The following ACTR3C variants were observed in gnomAD, a reference collection of about 807,000 sequenced individuals.
ACTR3C encodes the protein actin related protein 3C, also known as actin-related protein 3C.
In ACTR3C, 18 loss-of-function variants were observed where a neutral mutation model predicts 26.3. The ratio of observed to expected loss-of-function variants is 0.68; its 90% confidence interval spans 0.47 to 1.01. The LOEUF (loss-of-function observed/expected upper bound fraction) is 1.01, where lower values mean the gene tolerates loss of function less well. Ranked by LOEUF, ACTR3C falls within the 50% of genes least tolerant of loss-of-function variation. The probability of loss-of-function intolerance (pLI) is 0.00; values close to 1 mark genes in which losing one functional copy is unlikely to be tolerated. For synonymous variants in ACTR3C, 55 were observed against 94.5 expected (o/e 0.58, Z 2.42); for missense variants, 184 against 250.7 (o/e 0.73, Z 1.80).
intron 6 of ACTR3C, among the ~76,000 whole-genome samples, chr7:150,255,032 A>G (rs1833106049): frequency 6.6e-6 from 1 of 152,044 alleles, no homozygotes; most frequent in African/African-American, 2.4e-5. Context: ...AAAATCTCAT[A>G]ATTATAGAGC....
chr7:150,105,707 C>T, the ACTR3C span, among the ~76,000 whole-genome samples: 7 of 152,020 alleles, frequency 4.6e-5, no homozygotes, highest in Admixed American at 2.0e-4. Context: ...CTAAAAATCA[C>T]ATATTGAGAA....
chr7:150,106,855 TG>T, the ACTR3C span, among the ~76,000 whole-genome samples: 1 of 146,334 alleles, frequency 6.8e-6, no homozygotes, highest in African/African-American at 2.7e-5. Context: ...ACTGGGTGGC[TG>T]GGAAAGAGGG....
At chr7:150,059,839 C>T in the ACTR3C span, among the ~76,000 whole-genome samples, 463 of 136,290 alleles carry the variant, frequency 3.4e-3, no homozygotes, top group Non-Finnish European at 4.2e-3. Flanking sequence ...CTTCCCGGGG[C>T]AGGAGGGAAG....
rs774818393 is a variant in ACTR3C at position 150,289,607 on chromosome 7, G to A, written c.154-14C>T. On this transcript the variant is annotated splice_polypyrimidine_tract_variant and intron_variant, in intron 3 of 7. Coordinates refer to ENST00000683684, the MANE Select transcript of ACTR3C (RefSeq NM_001164458.2). ...ATAACCTTCTGCCTAGGGAAGAAGA[G>A]GAGGCAGAACAGCTGTGTTAGTGAT... is the stretch of plus-strand genomic sequence containing the variant. 12 of 1,564,742 alleles carry A rather than the reference G, an allele frequency of 7.7e-6. No homozygotes were observed. The African/African-American group carries it at 9.6e-5, about 12-fold the overall frequency.
the ACTR3C span, chr7:150,003,084 G>C: frequency 6.6e-6 from 1 of 152,268 alleles, no homozygotes; most frequent in Non-Finnish European, 1.5e-5. Context: ...TTGAGGTAGG[G>C]AGATGTAGTG....
At chr7:149,903,884 GTTGTTGT>G in the ACTR3C span, among the ~76,000 whole-genome samples, 13 of 40,966 alleles carry the variant, frequency 3.2e-4, 1 homozygote, top group African/African-American at 5.7e-4. Flanking sequence ...TGTTGTTGTT[GTTGTTGT>G]TTGTTGTTGC....
chr7:150,047,929 C>G, the ACTR3C span: 1 of 1,273,520 alleles, frequency 7.9e-7, no homozygotes, highest in South Asian at 1.4e-5. Context: ...CACTCCCCAC[C>G]CCGCTCCAGA....
intron 1 of ACTR3C, among the ~76,000 whole-genome samples, chr7:150,318,411 C>G (rs1042630978): frequency 2.0e-5 from 3 of 152,122 alleles, no homozygotes; most frequent in Non-Finnish European, 4.4e-5. Flanking sequence ...TTTAGGCTAC[C>G]CTGTTTGTGG....
At chr7:149,918,168 CTT>C in the ACTR3C span, among the ~76,000 whole-genome samples, 2 of 151,152 alleles carry the variant, frequency 1.3e-5, no homozygotes, top group East Asian at 3.9e-4. Flanking sequence ...CTTCTGAGTA[CTT>C]TTTTTTTCTC....
chr7:150,316,705 CTA>C (rs1796958227), intron 1 of ACTR3C, among the ~76,000 whole-genome samples: 1 of 152,082 alleles, frequency 6.6e-6, no homozygotes, highest in Non-Finnish European at 1.5e-5. Flanking sequence ...AGGATGGTCT[CTA>C]TCTCTTGACC....
At chr7:150,284,296 T>C (rs1442443464) in intron 6 of ACTR3C, among the ~76,000 whole-genome samples, 1 of 152,138 alleles carries the variant, frequency 6.6e-6, no homozygotes, top group Non-Finnish European at 1.5e-5. Flanking sequence ...ATCCCAGCAC[T>C]TTGGGAGGCC....
chr7:150,250,993 A>G (rs1369942313), intron 6 of ACTR3C, among the ~76,000 whole-genome samples: 1 of 152,192 alleles, frequency 6.6e-6, no homozygotes, highest in Non-Finnish European at 1.5e-5. Context: ...ACAAATGTAA[A>G]TATGGACGGA....
At chr7:150,138,241 A>G in the ACTR3C span, among the ~76,000 whole-genome samples, 6 of 152,230 alleles carry the variant, frequency 3.9e-5, no homozygotes, top group African/African-American at 1.4e-4. Flanking sequence ...AGAAACGTCA[A>G]TATTGAAAGT....
At chr7:150,113,208 G>A in the ACTR3C span, among the ~76,000 whole-genome samples, 24 of 150,176 alleles carry the variant, frequency 1.6e-4, no homozygotes, top group African/African-American at 5.9e-4. Context: ...CCCGTCCAAC[G>A]GAAATGGAAT....
chr7:149,971,945 G>A, the ACTR3C span, among the ~76,000 whole-genome samples: 1 of 152,324 alleles, frequency 6.6e-6, no homozygotes, highest in Non-Finnish European at 1.5e-5. Flanking sequence ...AGCCCCCTCT[G>A]TTGGGATCTC....
chr7:150,103,611 C>CTGAAGT, the ACTR3C span, among the ~76,000 whole-genome samples: 1 of 151,818 alleles, frequency 6.6e-6, no homozygotes, highest in Non-Finnish European at 1.5e-5. Context: ...TTCAGACATC[C>CTGAAGT]TGAAGTAGTC....
At chr7:150,005,484 AAC>A in the ACTR3C span, among the ~76,000 whole-genome samples, 1 of 151,958 alleles carries the variant, frequency 6.6e-6, no homozygotes. Flanking sequence ...CTGCACGATG[AAC>A]AAAATGCTGG....
At chr7:149,900,981 C>T in the ACTR3C span, among the ~76,000 whole-genome samples, 1 of 151,814 alleles carries the variant, frequency 6.6e-6, no homozygotes, top group Admixed American at 6.6e-5. Flanking sequence ...CACAGTAAGC[C>T]GACATCACAC....
the ACTR3C span, among the ~76,000 whole-genome samples, chr7:150,231,547 T>C: frequency 6.6e-6 from 1 of 150,716 alleles, no homozygotes. Flanking sequence ...GGTGGCATGA[T>C]GCATCTCGTA....
Sources: allele counts gnomAD v4.1 joint callset (sites outside exome capture counted in the v4.1 genomes callset), GRCh38; gene constraint gnomAD v4.1.1; transcripts MANE v1.5; gene names NCBI Gene and HGNC (gene_info 2026-07-23, HGNC 2026-07-21).